The following RRP15 variants were observed in gnomAD, a reference collection of about 807,000 sequenced individuals.
The protein encoded by RRP15 is RRP15-like protein.
A neutral mutation model predicts 27.1 loss-of-function variants in RRP15; 18 were observed. The ratio of observed to expected loss-of-function variants is 0.66; its 90% CI spans 0.46 to 0.98. The LOEUF (loss-of-function observed/expected upper bound fraction) is 0.98, where lower values mean the gene tolerates loss of function less well. RRP15 is among the 50% of genes least tolerant of loss of function. RRP15 has a pLI of 0.00. For missense variants in RRP15, 359 were observed against 337.8 expected, an observed-to-expected ratio of 1.06 and a Z score of -0.49; for synonymous variants, 107 against 109.4, an observed-to-expected ratio of 0.98 and a Z score of 0.14.
intron 1 of RRP15, among the ~76,000 whole-genome samples, chr1:218,300,764 G>A (rs1655799044): frequency 6.6e-6 from 1 of 152,208 alleles, no homozygotes; most frequent in African/African-American, 2.4e-5. Context: ...AGACTTCTCA[G>A]AAGGTAGAAA....
At chr1:218,286,136 C>T (rs75221740) in intron 1 of RRP15, among the ~76,000 whole-genome samples, 4,898 of 152,236 alleles carry the variant, frequency 0.032, 248 homozygotes, top group African/African-American at 0.11. Context: ...TCCTTTGTAC[C>T]AGCTGATACC....
intron 1 of RRP15, 171 bp from the exon 2 acceptor site, chr1:218,302,122 AT>A: frequency 1.8e-6 from 1 of 546,070 alleles, no homozygotes; most frequent in Non-Finnish European, 3.2e-6. Context: ...GCTGATGGCA[AT>A]GGGATAGATG....
chr1:218,322,894 A>G (rs1395521501), intron 4 of RRP15, among the ~76,000 whole-genome samples: 1 of 151,986 alleles, frequency 6.6e-6, no homozygotes, highest in Non-Finnish European at 1.5e-5. Flanking sequence ...AGAGCGAGGG[A>G]TGTATGAGCG....
intron 1 of RRP15, among the ~76,000 whole-genome samples, chr1:218,288,597 A>G (rs1039500551): frequency 4.6e-5 from 7 of 152,246 alleles, no homozygotes; most frequent in African/African-American, 7.2e-5. Flanking sequence ...TGATACAACA[A>G]TTATTGAAGT....
intron 1 of RRP15, among the ~76,000 whole-genome samples, chr1:218,287,681 C>T (rs1035070798): frequency 6.6e-6 from 1 of 150,612 alleles, no homozygotes; most frequent in Non-Finnish European, 1.5e-5. Context: ...CTCTGGAACC[C>T]AGCCTAGGCG....
intron 4 of RRP15, among the ~76,000 whole-genome samples, chr1:218,325,644 T>G (rs1441323680): frequency 6.6e-6 from 1 of 152,238 alleles, no homozygotes. Flanking sequence ...TTATGGGATA[T>G]TCTTTTAGTT....
At position 218,337,636 on chromosome 1, in the gene RRP15, CTT is replaced by C. The variant is rs1031699279; in HGVS notation, c.*6552_*6553del. Reference sequence around the variant, plus strand: ...AATGCATGAGGTGAATAGAATAAGACTTTTTTTTAAAGAATGTAATTTTTGAC... The same window carrying C: ...AATGCATGAGGTGAATAGAATAAGACTTTTTTAAAGAATGTAATTTTTGAC... On this transcript the variant is annotated 3_prime_UTR_variant, in exon 5 of 5. Coordinates refer to ENST00000366932, the MANE Select transcript of RRP15 (RefSeq NM_016052.4). The C allele has an allele frequency of 6.6e-6, 1 of 151,724 alleles. No individual in the cohort carries two copies. The highest frequency in any genetic ancestry group is 2.4e-5 in the African/African-American group (1 of 41,236). The allele number at this position is 151,724 out of a possible 1,614,324, so 9.4% of individuals were successfully genotyped here. A position where few individuals can be genotyped will look rare whatever the true frequency, so the allele number is the denominator to read the frequency against.
chr1:218,310,528 T>C (rs1229206969), intron 4 of RRP15, among the ~76,000 whole-genome samples: 1 of 152,200 alleles, frequency 6.6e-6, no homozygotes, highest in Admixed American at 6.5e-5. Flanking sequence ...ACATAGGTTA[T>C]ATACATTGAG....
rs149220323 is a variant in RRP15 at position 218,336,005 on chromosome 1, G to A, written c.*4914G>A. 9 of 152,150 alleles carry A rather than the reference G, an allele frequency of 5.9e-5. No individual in the cohort carries two copies. In the East Asian group the frequency reaches 1.7e-3, roughly 29 times the overall value. 9.4% of individuals were successfully genotyped at this position (152,150 alleles called of 1,614,324 possible). A position where few individuals can be genotyped will look rare whatever the true frequency, so the allele number is the denominator to read the frequency against. ...GCACCAAACCTTAAATATTTTTGTT[G>A]TTCTCTAAAAGAATGGGTTTATGAT... On this transcript the variant is annotated 3_prime_UTR_variant, in exon 5 of 5. Coordinates refer to ENST00000366932, the MANE Select transcript of RRP15 (RefSeq NM_016052.4).
chr1:218,303,755 T>C (rs896831170), intron 2 of RRP15, among the ~76,000 whole-genome samples: 17 of 152,186 alleles, frequency 1.1e-4, no homozygotes, highest in African/African-American at 4.1e-4. Flanking sequence ...AGCACATGTA[T>C]TGATACCAGA....
At chr1:218,309,131 T>C (rs1271816212) in intron 4 of RRP15, among the ~76,000 whole-genome samples, 1 of 152,206 alleles carries the variant, frequency 6.6e-6, no homozygotes, top group Non-Finnish European at 1.5e-5. Flanking sequence ...GATCACAGTA[T>C]TTGTAAGTCT....
chr1:218,305,207 T>C, intron 3 of RRP15, 82 bp downstream of exon 3: 2 of 1,068,018 alleles, frequency 1.9e-6, no homozygotes, highest in Admixed American at 3.9e-5. Context: ...ATTTGATTCT[T>C]AAGCTCAGCC....
intron 4 of RRP15, among the ~76,000 whole-genome samples, chr1:218,315,441 T>C (rs1274898396): frequency 6.6e-6 from 1 of 152,070 alleles, no homozygotes; most frequent in Admixed American, 6.5e-5. Flanking sequence ...ACTTTTGGTT[T>C]TTCTAAGGCA....
chr1:218,288,903 TG>T (rs1655591123), intron 1 of RRP15, among the ~76,000 whole-genome samples: 1 of 152,206 alleles, frequency 6.6e-6, no homozygotes, highest in Non-Finnish European at 1.5e-5. Flanking sequence ...ATGTTATTTC[TG>T]GAAGCAAATT....
At chr1:218,292,905 C>G (rs545758206) in intron 1 of RRP15, among the ~76,000 whole-genome samples, 1 of 152,302 alleles carries the variant, frequency 6.6e-6, no homozygotes, top group East Asian at 1.9e-4. Flanking sequence ...TTTTCTCTAT[C>G]CTTTAGGTTT....
chr1:218,310,667 T>C (rs770179768), intron 4 of RRP15, among the ~76,000 whole-genome samples: 5 of 152,242 alleles, frequency 3.3e-5, no homozygotes, highest in Admixed American at 6.5e-5. Flanking sequence ...AAATTTCATA[T>C]TTCTTCAAGG....
At chr1:218,313,954 G>T (rs912117092) in intron 4 of RRP15, among the ~76,000 whole-genome samples, 1 of 151,682 alleles carries the variant, frequency 6.6e-6, no homozygotes, top group Non-Finnish European at 1.5e-5. Flanking sequence ...CCAATATCTT[G>T]ATGTTGACCC....
At chr1:218,306,392 A>G (rs1655898343) in intron 3 of RRP15, among the ~76,000 whole-genome samples, 1 of 152,052 alleles carries the variant, frequency 6.6e-6, no homozygotes, top group Non-Finnish European at 1.5e-5. Context: ...TTTTATACTG[A>G]TTGGTAACAA....
At chr1:218,302,781 A>G in intron 2 of RRP15, 1 of 529,848 alleles carries the variant, frequency 1.9e-6, no homozygotes, top group Non-Finnish European at 3.1e-6. Flanking sequence ...AGTAATAGAA[A>G]TGTAAACGCT....
Sources: allele counts gnomAD v4.1 joint callset (sites outside exome capture counted in the v4.1 genomes callset), GRCh38; gene constraint gnomAD v4.1.1; transcripts MANE v1.5; gene names NCBI Gene and HGNC (gene_info 2026-07-23, HGNC 2026-07-21).